The following PDE11A variants were observed in gnomAD, a reference collection of about 807,000 sequenced individuals.
PDE11A encodes the protein phosphodiesterase 11A, also known as dual 3',5'-cyclic-AMP and -GMP phosphodiesterase 11A.
PDE11A carries 100 observed loss-of-function variants against 100.5 expected under a neutral mutation model. The observed-to-expected ratio is 1.00, with a 90% CI of 0.85 to 1.18. The LOEUF (loss-of-function observed/expected upper bound fraction) is 1.18, where lower values mean the gene tolerates loss of function less well. Among genes scored for constraint, PDE11A ranks in the 50% most tolerant of loss-of-function variants. The pLI is 0.00. For missense variants in PDE11A, 1,141 were observed against 1,152.6 expected (o/e 0.99, Z 0.15); for synonymous variants, 381 against 420.8 (o/e 0.91, Z 1.16).
chr2:177,730,976 T>C (rs1340496852), intron 10 of PDE11A, among the ~76,000 whole-genome samples: 1 of 152,184 alleles, frequency 6.6e-6, no homozygotes, highest in Non-Finnish European at 1.5e-5. Context: ...ACAACCACCA[T>C]TCTACTTTCT....
intron 16 of PDE11A, among the ~76,000 whole-genome samples, chr2:177,678,949 A>G (rs2080819503): frequency 6.6e-6 from 1 of 151,172 alleles, no homozygotes. Context: ...TAAAAAATAC[A>G]TCCTTGGGGG....
intron 10 of PDE11A, among the ~76,000 whole-genome samples, chr2:177,740,061 C>G (rs6756240): frequency 6.6e-6 from 1 of 152,080 alleles, no homozygotes. Flanking sequence ...TTTTAATCTG[C>G]TCTTTGACTT....
chr2:177,878,534 G>A (rs2084277746), intron 4 of PDE11A, among the ~76,000 whole-genome samples: 1 of 152,148 alleles, frequency 6.6e-6, no homozygotes, highest in African/African-American at 2.4e-5. Flanking sequence ...AAACCACATA[G>A]AGAGGACATT....
At chr2:177,690,165 A>G (rs1202910218) in intron 15 of PDE11A, among the ~76,000 whole-genome samples, 4 of 151,086 alleles carry the variant, frequency 2.6e-5, no homozygotes, top group Non-Finnish European at 5.9e-5. Context: ...AATTCTTTGA[A>G]ATATGTCAAG....
rs1298167740 is a variant in PDE11A at position 177,623,486 on chromosome 2, T to A, written c.*5921A>T. ...AATTAGGAAGGAAGTCAGTAGGAGA[T>A]CCTTTTTAGGTTATTGTACATGAAA... is the stretch of plus-strand genomic sequence containing the variant. On this transcript the variant is annotated 3_prime_UTR_variant, in exon 20 of 20. Coordinates refer to ENST00000286063, the MANE Select transcript of PDE11A (RefSeq NM_016953.4). The A allele has an allele frequency of 6.6e-6, 1 of 152,222 alleles. No individual in the cohort carries two copies. The highest frequency in any genetic ancestry group is 1.5e-5 in the Non-Finnish European group (1 of 68,034). The allele number at this position is 152,222 out of a possible 1,614,324, so 9.4% of individuals were successfully genotyped here.
At chr2:177,688,216 G>T (rs1223213819) in intron 15 of PDE11A, 2 of 152,264 alleles carry the variant, frequency 1.3e-5, no homozygotes, top group Non-Finnish European at 2.9e-5. Flanking sequence ...CACAGACAGG[G>T]TTCTTTCCAT....
chr2:177,711,732 C>A (rs773117113), intron 13 of PDE11A, 37 bp downstream of exon 13: 1 of 1,122,280 alleles, frequency 8.9e-7, no homozygotes, highest in Non-Finnish European at 1.4e-6. Context: ...AACAGAAAGG[C>A]AAATGCATTA....
chr2:177,946,742 GT>G (rs1333157304), intron 2 of PDE11A, among the ~76,000 whole-genome samples: 1 of 91,558 alleles, frequency 1.1e-5, no homozygotes. Flanking sequence ...GGTGGGGGGG[GT>G]CAGCCCCCCG....
intron 9 of PDE11A, among the ~76,000 whole-genome samples, chr2:177,793,261 C>A (rs1371367016): frequency 6.6e-6 from 1 of 152,176 alleles, no homozygotes; most frequent in African/African-American, 2.4e-5. Context: ...GTCATTATGA[C>A]CTTGGAAGGC....
intron 2 of PDE11A, among the ~76,000 whole-genome samples, chr2:178,081,511 G>A (rs2105878887): frequency 6.6e-6 from 1 of 152,296 alleles, no homozygotes; most frequent in African/African-American, 2.4e-5. Context: ...AGTACAAAGT[G>A]TCATTTGTTA....
At chr2:177,682,031 C>T (rs1272605697) in intron 15 of PDE11A, among the ~76,000 whole-genome samples, 1 of 152,112 alleles carries the variant, frequency 6.6e-6, no homozygotes, top group Non-Finnish European at 1.5e-5. Flanking sequence ...AAGAGCTTGG[C>T]ACCTTTTAAA....
At chr2:178,003,606 G>A (rs574966028) in intron 2 of PDE11A, among the ~76,000 whole-genome samples, 1 of 152,146 alleles carries the variant, frequency 6.6e-6, no homozygotes, top group Admixed American at 6.6e-5. Flanking sequence ...CTGCTAATGG[G>A]TATAGGGTTT....
chr2:177,941,687 T>C (rs1337601384), intron 2 of PDE11A, among the ~76,000 whole-genome samples: 2 of 152,136 alleles, frequency 1.3e-5, no homozygotes, highest in African/African-American at 4.8e-5. Flanking sequence ...CATGCTGCCA[T>C]GGTTATTTTG....
intron 5 of PDE11A, among the ~76,000 whole-genome samples, chr2:177,853,668 ATATATATATATATGTGTG>A (rs1374273099): frequency 3.1e-5 from 1 of 32,170 alleles, no homozygotes; most frequent in Non-Finnish European, 6.3e-5. Context: ...ATATATATAT[ATATATATATATATGTGTG>A]TGTGTGTGTG....
chr2:177,885,711 G>T (rs558466732), intron 4 of PDE11A, among the ~76,000 whole-genome samples: 1 of 152,264 alleles, frequency 6.6e-6, no homozygotes, highest in East Asian at 1.9e-4. Context: ...CTGAATTACG[G>T]ACTGCCCCAG....
chr2:178,003,424 T>G (rs1341375361), intron 2 of PDE11A, among the ~76,000 whole-genome samples: 1 of 152,040 alleles, frequency 6.6e-6, no homozygotes, highest in Non-Finnish European at 1.5e-5. Context: ...CTTGAAAACG[T>G]TATGCTAAGG....
chr2:177,964,299 A>C (rs1042625681), intron 2 of PDE11A, among the ~76,000 whole-genome samples: 1 of 152,112 alleles, frequency 6.6e-6, no homozygotes, highest in Admixed American at 6.6e-5. Flanking sequence ...TAATACACAT[A>C]TCTATTTCTC....
At chr2:177,964,951 C>T (rs1172474031) in intron 2 of PDE11A, among the ~76,000 whole-genome samples, 2 of 152,182 alleles carry the variant, frequency 1.3e-5, no homozygotes, top group African/African-American at 2.4e-5. Context: ...CTCCAAACTG[C>T]TTTCCATAAT....
In PDE11A at chr2:177,794,989, G is replaced by A. The variant is rs898989143; in HGVS notation, c.1737+21840C>T. Among the ~76,000 whole-genome samples the A allele has an allele frequency of 5.3e-5, 8 of 152,248 alleles. No homozygotes were observed. In the South Asian group the frequency reaches 1.0e-3, roughly 20 times the overall value. On this transcript the variant is annotated intron_variant, in intron 9 of 19. Transcript: ENST00000286063. ...TTTAGTAGAGATGAGGTTTCACTAT[G>A]TTGACCAGGCTGGTCTTGAACTCCT...
Sources: allele counts gnomAD v4.1 joint callset (sites outside exome capture counted in the v4.1 genomes callset), GRCh38; gene constraint gnomAD v4.1.1; transcripts MANE v1.5; gene names NCBI Gene and HGNC (gene_info 2026-07-23, HGNC 2026-07-21).